Variants in TSC2 observed in about 807,000 individuals in gnomAD.
The protein encoded by TSC2 is tuberin.
A neutral mutation model predicts 202.2 loss-of-function variants in TSC2; 29 were observed. The ratio of observed to expected loss-of-function variants is 0.14; its 90% CI spans 0.11 to 0.20. The LOEUF is 0.20. Ranked by LOEUF, TSC2 falls within the 10% of genes least tolerant of loss-of-function variation. The pLI, the probability that TSC2 is intolerant of heterozygous loss-of-function variation, is 1.00. For missense variants in TSC2, 2,429 were observed against 2,420.0 expected (o/e 1.00, Z -0.08); for synonymous variants, 1,349 against 1,044.0 (o/e 1.29, Z -5.63).
In TSC2 at chr16:2,084,134, G is replaced by A. The variant is rs145263137; in HGVS notation, c.4006-94G>A. 1.3e-3 allele frequency: 1,997 copies of A among 1,544,978 alleles called. 28 individuals are homozygous for A. The African/African-American group carries it at 0.023, about 18-fold the overall frequency. On this transcript the variant is annotated intron_variant, in intron 33 of 41. Coordinates refer to ENST00000219476, the MANE Select transcript of TSC2 (RefSeq NM_000548.5). ...CGGGCTGGTCTGTGGCCCTGGGATG[G>A]AGGACAGATAGGGCCTCACCACCTC...
intron 16 of TSC2, chr16:2,068,484 CT>C (rs1297481089): frequency 6.6e-6 from 1 of 152,234 alleles, no homozygotes; most frequent in Non-Finnish European, 1.5e-5. Context: ...CCTCTGTTGA[CT>C]AGAAGCCTTG....
At chr16:2,080,682 C>T (rs1040423715) in intron 30 of TSC2, 1 of 387,428 alleles carries the variant, frequency 2.6e-6, no homozygotes, top group African/African-American at 2.1e-5. Context: ...GATGGGGTTT[C>T]ACTGTGTTAG....
chr16:2,081,723 A>G lies in TSC2; in HGVS notation c.3739A>G (p.Thr1247Ala), dbSNP rs369961807. 2 of 1,612,844 alleles carry G rather than the reference A, an allele frequency of 1.2e-6. No homozygotes were observed. The highest frequency in any genetic ancestry group is 2.7e-5 in the African/African-American group (2 of 74,950). Residue 1247 changes from threonine (T) to alanine (A), a missense_variant, in exon 31 of 42, where the codon ACA (threonine) becomes GCA (alanine). Physicochemically the swap from Thr to Ala is moderately conservative, Grantham distance 58. Coordinates refer to ENST00000219476, the MANE Select transcript of TSC2 (RefSeq NM_000548.5). Reference sequence around the variant, plus strand: ...TGAGCGCTTCAAGGAGCACCGGGACACAGCCCTGTACAAGTCACTGTCGGT... The same window carrying G: ...TGAGCGCTTCAAGGAGCACCGGGACGCAGCCCTGTACAAGTCACTGTCGGT... ...AAERFKEHRD[T>A]ALYKSLSVPA...
chr16:2,056,122 TGACTA>T lies in TSC2; in HGVS notation c.600-70_600-66del, dbSNP rs775866848. The T allele has an allele frequency of 5.6e-6, 9 of 1,593,384 alleles. No homozygotes were observed. The South Asian group carries it at 9.9e-5, about 18-fold the overall frequency. On this transcript the variant is annotated intron_variant, in intron 6 of 41. Coordinates refer to ENST00000219476, the MANE Select transcript of TSC2 (RefSeq NM_000548.5). ...CATGCGTGTTATTGACGTCATAGAG[TGACTA>T]GACCACAGCCCGTGGTGGCTCGGCC... is the stretch of plus-strand genomic sequence containing the variant.
At chr16:2,056,903 A>G in intron 8 of TSC2, 134 bp downstream of exon 8, 1 of 1,494,190 alleles carries the variant, frequency 6.7e-7, no homozygotes, top group Non-Finnish European at 9.2e-7. Flanking sequence ...GGCCAGTGTC[A>G]TTTTCCCAGG....
chr16:2,061,631 G>T (rs2086645716), intron 11 of TSC2: 1 of 598,038 alleles, frequency 1.7e-6, no homozygotes, highest in Admixed American at 2.5e-5. Flanking sequence ...CCCTTGAGAG[G>T]ATCTGGGGGG....
In TSC2 at chr16:2,088,448, C is replaced by G. The variant is rs397515318; in HGVS notation, c.5262C>G (p.Ile1754Met). 3.5e-5 allele frequency: 56 copies of G among 1,612,810 alleles called. No homozygotes were observed. In the African/African-American group the frequency reaches 6.7e-4, roughly 19 times the overall value. The change falls in exon 42 of 42, where the codon ATC becomes ATG. Residue 1754 changes from isoleucine to methionine, a missense_variant and splice_region_variant. Ile to Met is a conservative substitution (Grantham distance 10). Transcript: ENST00000219476. ...LRHIKRLRQR[I>M]CEEAAYSNPS... ...GCCCAAGCCGCCTCTGCCTTCAGAT[C>G]TGCGAGGAAGCCGCCTACTCCAACC...
At chr16:2,074,508 TG>T in intron 22 of TSC2, 119 bp downstream of exon 22, 1 of 1,296,572 alleles carries the variant, frequency 7.7e-7, no homozygotes, top group South Asian at 1.3e-5. Context: ...CGCCTTCTGC[TG>T]CCTCAGGGCC....
intron 10 of TSC2, among the ~76,000 whole-genome samples, chr16:2,059,893 T>A (rs1228059215): frequency 1.3e-5 from 2 of 152,192 alleles, no homozygotes; most frequent in Admixed American, 1.3e-4. Flanking sequence ...ACTCCTGACC[T>A]CAGGTGATCC....
chr16:2,069,347 C>G (rs541880338), intron 16 of TSC2, among the ~76,000 whole-genome samples: 1 of 152,120 alleles, frequency 6.6e-6, no homozygotes, highest in Non-Finnish European at 1.5e-5. Context: ...GATGGAGTCT[C>G]GCTCTGTCGC....
At chr16:2,064,754 G>C (rs1260257791) in intron 15 of TSC2, 2 of 441,594 alleles carry the variant, frequency 4.5e-6, no homozygotes, top group African/African-American at 4.0e-5. Context: ...TTTGCTCTTT[G>C]ATTTTCAGAT....
intron 24 of TSC2, 119 bp downstream of exon 24, chr16:2,076,289 G>T: frequency 6.4e-7 from 1 of 1,566,336 alleles, no homozygotes; most frequent in South Asian, 1.2e-5. Context: ...GGTGTTTGGG[G>T]CTGTGCCTGT....
rs1013416752 is a variant in TSC2 at position 2,086,577 on chromosome 16, C to T, written c.4850-155C>T. On this transcript the variant is annotated intron_variant, in intron 37 of 41. Transcript: ENST00000219476. ...GTGGCTTTGCGTCCCAAAGCCCTGC[C>T]CCTGGGGAGAGCCGAGGACCACTGG... Among the ~76,000 whole-genome samples, 5 of 152,330 alleles carry T rather than the reference C, an allele frequency of 3.3e-5. No homozygotes were observed. The East Asian group carries it at 9.7e-4, about 29-fold the overall frequency.
intron 6 of TSC2, 119 bp from the exon 7 acceptor site, chr16:2,056,077 G>C (rs1038443719): frequency 7.5e-7 from 1 of 1,331,276 alleles, no homozygotes; most frequent in South Asian, 1.2e-5. Flanking sequence ...GGGTGGGTGG[G>C]ACCCCCAGGG....
chr16:2,057,728 A>T (rs1349023840), intron 9 of TSC2, among the ~76,000 whole-genome samples: 3 of 152,176 alleles, frequency 2.0e-5, no homozygotes, highest in African/African-American at 7.2e-5. Flanking sequence ...CGCCCTTGGG[A>T]TGTAGGCTTC....
At chr16:2,085,103 C>G (rs2090602043) in intron 35 of TSC2, 77 bp downstream of exon 35, 1 of 1,605,226 alleles carries the variant, frequency 6.2e-7, no homozygotes, top group South Asian at 1.1e-5. Flanking sequence ...AGCTCTGCTG[C>G]TGGGAGCTCA....
chr16:2,067,904 T>G (rs1013349133), intron 16 of TSC2, among the ~76,000 whole-genome samples: 8 of 152,176 alleles, frequency 5.3e-5, no homozygotes, highest in African/African-American at 1.9e-4. Flanking sequence ...ACTGAGAACC[T>G]TTCTGCTTCT....
In TSC2 at chr16:2,079,182, G is replaced by T. The variant is rs747104674; in HGVS notation, c.3117G>T (p.Thr1039=). Residue 1039 remains threonine, a synonymous_variant, in exon 27 of 42, where the codon ACG becomes ACT. Coordinates refer to ENST00000219476, the MANE Select transcript of TSC2 (RefSeq NM_000548.5). The surrounding 1 kb of genome is among the most constrained non-coding windows in gnomAD (Gnocchi z 4.6). ...CTCGATACGTCTTCTCCAACTTCAC[G>T]GCTGTCCCGAAGAGGTCCAGGCGGC... ...MMARYVFSNF[T]AVPKRSPVGE... is the part of the protein sequence containing the mutation. The T allele has an allele frequency of 1.9e-6, 3 of 1,612,750 alleles. No individual in the cohort carries two copies. Among genetic ancestry groups the T allele is most frequent in the East Asian group, 4.5e-5 (2 of 44,870 alleles).
chr16:2,060,272 A>G (rs2086464985), intron 10 of TSC2, among the ~76,000 whole-genome samples: 1 of 152,158 alleles, frequency 6.6e-6, no homozygotes, highest in Admixed American at 6.5e-5. Context: ...GGTGTGGGTC[A>G]CAGGGCTCTC....
Sources: allele counts gnomAD v4.1 joint callset (sites outside exome capture counted in the v4.1 genomes callset), GRCh38; gene constraint gnomAD v4.1.1; non-coding constraint Gnocchi (gnomAD v3.1); transcripts MANE v1.5; gene names NCBI Gene and HGNC (gene_info 2026-07-23, HGNC 2026-07-21).